CACNA1G: variants seen among roughly 807,000 people sequenced by gnomAD.
The protein encoded by CACNA1G is calcium voltage-gated channel subunit alpha1 G.
A neutral mutation model predicts 219.4 loss-of-function variants in CACNA1G; 67 were observed. That is an observed-to-expected ratio of 0.31 (90% CI 0.25 to 0.37). The LOEUF (loss-of-function observed/expected upper bound fraction) is 0.37. Ranked by LOEUF, CACNA1G falls within the 10% of genes least tolerant of loss-of-function variation. The pLI is 1.00. For missense variants in CACNA1G, 2,380 were observed against 3,231.4 expected, an observed-to-expected ratio of 0.74 and a Z score of 6.39; for synonymous variants, 1,296 against 1,345.3, an observed-to-expected ratio of 0.96 and a Z score of 0.80.
At chr17:50,577,121 G>T (rs757093301) in intron 8 of CACNA1G, among the ~76,000 whole-genome samples, 1 of 152,194 alleles carries the variant, frequency 6.6e-6, no homozygotes, top group South Asian at 2.1e-4. Flanking sequence ...AACCCAGAGC[G>T]AAAGGTTTCT....
At position 50,576,296 on chromosome 17, in the gene CACNA1G, A is replaced by G; in HGVS notation, c.1894A>G (p.Met632Val). 1 of 1,579,578 alleles carries G rather than the reference A, an allele frequency of 6.3e-7. No homozygotes were observed. Among genetic ancestry groups the G allele is most frequent in the Non-Finnish European group, 8.6e-7 (1 of 1,163,162 alleles). ...LNIPPGPYSS[M>V]HKLLETQSTG... ...CATCCCACCCGGGCCCTACAGCTCC[A>G]TGCACAAGCTGCTGGAGACACAGAG... is the stretch of plus-strand genomic sequence containing the variant. Residue 632 changes from methionine (M) to valine (V), a missense_variant, in exon 8 of 38, where the codon ATG (methionine) becomes GTG (valine). Physicochemically the swap from Met to Val is conservative, Grantham distance 21. Transcript: ENST00000359106.
Position 50,623,692 on chromosome 17 carries a change from C to CAA in CACNA1G, c.6061-215_6061-214insAA, listed in dbSNP as rs557094020. On this transcript the variant is annotated intron_variant, in intron 35 of 37. Coordinates refer to ENST00000359106, the MANE Select transcript of CACNA1G (RefSeq NM_018896.5). ...GCAGACTCTCCCGGCTGCCCAGACCCCCTCCTACCTGCTTCCTCCCCGCGT... is the reference window on the plus strand; with the variant it reads ...GCAGACTCTCCCGGCTGCCCAGACCCAACCTCCTACCTGCTTCCTCCCCGCGT... Among the ~76,000 whole-genome samples the CAA allele has an allele frequency of 6.6e-5, 10 of 152,224 alleles. No homozygotes were observed. In the East Asian group the frequency reaches 9.7e-4, roughly 15 times the overall value.
At chr17:50,564,240 C>T (rs559075857) in intron 1 of CACNA1G, among the ~76,000 whole-genome samples, 7 of 151,332 alleles carry the variant, frequency 4.6e-5, no homozygotes, top group African/African-American at 1.7e-4. Flanking sequence ...ACAGTCACCC[C>T]TGCCTCAGAT....
At position 50,624,445 on chromosome 17, in the gene CACNA1G, C is replaced by T; in HGVS notation, c.6315C>T (p.Pro2105=). 6.2e-7 allele frequency: 1 copy of T among 1,600,086 alleles called. No individual in the cohort carries two copies. The highest frequency in any genetic ancestry group is 8.5e-7 in the Non-Finnish European group (1 of 1,174,006). The stretch of plus-strand genomic sequence containing the variant: ...AAGATGCACCTCATCTGCTCCAGCC[C>T]CACAGCGCCCCAACCTGGGGCACCA... The part of the protein sequence containing the change: ...LPKDAPHLLQ[P]HSAPTWGTIP... Residue 2105 remains proline (P), a synonymous_variant, in exon 37 of 38, where the codon CCC becomes CCT. Transcript: ENST00000359106.
chr17:50,579,698 T>C (rs2041510070), intron 9 of CACNA1G, among the ~76,000 whole-genome samples: 1 of 152,016 alleles, frequency 6.6e-6, no homozygotes, highest in Admixed American at 6.6e-5. Context: ...CCTTCCCTGG[T>C]TTGGAACGAA....
At chr17:50,568,103 G>A (rs2038413978) in intron 1 of CACNA1G, among the ~76,000 whole-genome samples, 1 of 152,220 alleles carries the variant, frequency 6.6e-6, no homozygotes, top group South Asian at 2.1e-4. Flanking sequence ...TTGGGAGGCT[G>A]GTGGTGGAAG....
chr17:50,581,050 A>C (rs1188040018), intron 9 of CACNA1G, among the ~76,000 whole-genome samples: 3 of 147,410 alleles, frequency 2.0e-5, no homozygotes, highest in African/African-American at 7.6e-5. Context: ...AGGGAGACAG[A>C]GAGGAGACTG....
intron 1 of CACNA1G, among the ~76,000 whole-genome samples, chr17:50,562,934 G>A (rs1223092038): frequency 6.6e-6 from 1 of 152,040 alleles, no homozygotes; most frequent in Non-Finnish European, 1.5e-5. Flanking sequence ...CTGCCACCGG[G>A]GGAAGGAAAG....
chr17:50,611,570 G>A (rs1408104915), intron 26 of CACNA1G, among the ~76,000 whole-genome samples: 1 of 152,186 alleles, frequency 6.6e-6, no homozygotes. Context: ...TCTCTGGCTG[G>A]TTTGTGTCTG....
In CACNA1G at chr17:50,600,743, C is replaced by T; in HGVS notation, c.3708C>T (p.Val1236=). 6.2e-7 allele frequency: 1 copy of T among 1,613,812 alleles called. No homozygotes were observed. The highest frequency in any genetic ancestry group is 8.5e-7 in the Non-Finnish European group (1 of 1,179,804). ...DEGNLSKGER[V]RAWIRARLPA... is the part of the protein sequence containing the mutation. ...TTCTGCAGAGCAAAGGGGAACGGGTCCGCGCGTGGATCCGAGCCCGACTCC... is the reference window on the plus strand; with the variant it reads ...TTCTGCAGAGCAAAGGGGAACGGGTTCGCGCGTGGATCCGAGCCCGACTCC... The change falls in exon 18 of 38, where the codon GTC becomes GTT. Residue 1236 remains valine (V), a synonymous_variant. Coordinates refer to ENST00000359106, the MANE Select transcript of CACNA1G (RefSeq NM_018896.5). The surrounding 1 kb of genome is among the most constrained non-coding windows in gnomAD (Gnocchi z 4.1).
At chr17:50,595,675 C>T (rs927689010) in intron 14 of CACNA1G, among the ~76,000 whole-genome samples, 9 of 152,254 alleles carry the variant, frequency 5.9e-5, no homozygotes, top group Non-Finnish European at 1.2e-4. Flanking sequence ...TCTGGCCCCA[C>T]GATGAGCCTG....
chr17:50,592,389 G>A (rs1233254197), intron 13 of CACNA1G, among the ~76,000 whole-genome samples: 2 of 152,190 alleles, frequency 1.3e-5, no homozygotes, highest in Admixed American at 6.5e-5. Context: ...GACCAGATAA[G>A]TGTCTGCCTG....
At chr17:50,624,639 G>A in intron 37 of CACNA1G, 110 bp downstream of exon 37, 9 of 1,120,182 alleles carry the variant, frequency 8.0e-6, no homozygotes, top group South Asian at 1.6e-5. Flanking sequence ...TTGTGTGCCA[G>A]TGATGTGCCA....
At chr17:50,565,514 A>G (rs939724876) in intron 1 of CACNA1G, among the ~76,000 whole-genome samples, 1 of 152,078 alleles carries the variant, frequency 6.6e-6, no homozygotes, top group African/African-American at 2.4e-5. Context: ...TGGGTGAGGC[A>G]AGGACCTATC....
chr17:50,621,799 A>C lies in CACNA1G; in HGVS notation c.6060+5A>C, dbSNP rs754580103. On this transcript the variant is annotated splice_donor_5th_base_variant and intron_variant, in intron 35 of 37. Coordinates refer to ENST00000359106, the MANE Select transcript of CACNA1G (RefSeq NM_018896.5). This position sits in a 1 kb window ranked among gnomAD's most constrained non-coding sequence, Gnocchi z 4.6. Reference sequence around the variant, plus strand: ...CTTAGTGCCCTGGAGAGCAATGTACATACACACTGCCCTCACTGCTCCCGG... The same window carrying C: ...CTTAGTGCCCTGGAGAGCAATGTACCTACACACTGCCCTCACTGCTCCCGG... The C allele has an allele frequency of 5.6e-6, 9 of 1,613,452 alleles. No homozygotes were observed. Among genetic ancestry groups the C allele is most frequent in the Middle Eastern group, 1.6e-4 (1 of 6,062 alleles).
chr17:50,626,747 C>T lies in CACNA1G; in HGVS notation c.7130C>T (p.Pro2377Leu), dbSNP rs756346463. 1 of 1,613,106 alleles carries T rather than the reference C, an allele frequency of 6.2e-7. No individual in the cohort carries two copies. Among genetic ancestry groups the T allele is most frequent in the Admixed American group, 1.7e-5 (1 of 60,016 alleles). ...TCCTCTGACCCAGCAGACCTGGACCCCTGAGTCCTGCCCCACTTTCCCACT... is the reference window on the plus strand; with the variant it reads ...TCCTCTGACCCAGCAGACCTGGACCTCTGAGTCCTGCCCCACTTTCCCACT... Reference protein sequence around the residue: ...GLSSDPADLDP With the variant: ...GLSSDPADLDL The change falls in exon 38 of 38, where the codon CCC (proline) becomes CTC (leucine). Residue 2377 changes from proline to leucine, a missense_variant. Pro to Leu is a moderately conservative substitution (Grantham distance 98, BLOSUM62 -3). Coordinates refer to ENST00000359106, the MANE Select transcript of CACNA1G (RefSeq NM_018896.5). This position sits in a 1 kb window ranked among gnomAD's most constrained non-coding sequence, Gnocchi z 4.3.
At chr17:50,606,284 G>A (rs1251672262) in intron 23 of CACNA1G, 1 of 709,452 alleles carries the variant, frequency 1.4e-6, no homozygotes, top group Non-Finnish European at 2.6e-6. Flanking sequence ...CTTGCCCAGG[G>A]CCACAGAGCT....
intron 4 of CACNA1G, among the ~76,000 whole-genome samples, chr17:50,570,530 C>T (rs955290192): frequency 5.8e-5 from 8 of 139,020 alleles, no homozygotes; most frequent in Non-Finnish European, 1.1e-4. Flanking sequence ...TGTTTGTGTA[C>T]CTGATGTAGC....
At chr17:50,570,193 G>T (rs536574704) in intron 4 of CACNA1G, among the ~76,000 whole-genome samples, 4 of 152,232 alleles carry the variant, frequency 2.6e-5, no homozygotes, top group Non-Finnish European at 5.9e-5. Flanking sequence ...TCTGGTTCTT[G>T]CTGGTGAGAC....
Sources: allele counts gnomAD v4.1 joint callset (sites outside exome capture counted in the v4.1 genomes callset), GRCh38; gene constraint gnomAD v4.1.1; non-coding constraint Gnocchi (gnomAD v3.1); transcripts MANE v1.5; gene names NCBI Gene and HGNC (gene_info 2026-07-23, HGNC 2026-07-21).